Variants in DLC1 observed in about 807,000 individuals in gnomAD.
DLC1 encodes rho GTPase-activating protein 7.
A neutral mutation model predicts 140.3 loss-of-function variants in DLC1; 54 were observed. The ratio of observed to expected loss-of-function variants is 0.38; its 90% CI spans 0.31 to 0.48. The LOEUF is 0.48. Among genes scored for constraint, DLC1 ranks in the 20% least tolerant of loss-of-function variants. The pLI is 0.96. For synonymous variants in DLC1, 986 were observed against 728.1 expected (o/e 1.35, Z -5.70); for missense variants, 2,536 against 1,907.0 (o/e 1.33, Z -6.14).
At chr8:13,391,914 A>G (rs984202953) in intron 4 of DLC1, among the ~76,000 whole-genome samples, 2 of 151,502 alleles carry the variant, frequency 1.3e-5, no homozygotes, top group Non-Finnish European at 2.9e-5. Context: ...AAAAAGAAAA[A>G]GCCAATGCAT....
intron 4 of DLC1, among the ~76,000 whole-genome samples, chr8:13,336,212 A>T (rs1364196984): frequency 1.3e-5 from 2 of 152,142 alleles, no homozygotes; most frequent in Non-Finnish European, 2.9e-5. Flanking sequence ...AAGTCTAGGA[A>T]AGTAGAACCC....
At chr8:13,354,680 C>G (rs1834837559) in intron 4 of DLC1, among the ~76,000 whole-genome samples, 1 of 151,528 alleles carries the variant, frequency 6.6e-6, no homozygotes, top group Non-Finnish European at 1.5e-5. Context: ...TGTGGTGGCT[C>G]ACATCTGTAA....
chr8:13,529,573 G>T (rs147448254), intron 1 of DLC1, among the ~76,000 whole-genome samples: 22 of 152,224 alleles, frequency 1.4e-4, no homozygotes, highest in South Asian at 2.1e-4. Context: ...TTGTAAAGGA[G>T]AATACTTAGA....
intron 13 of DLC1, 44 bp downstream of exon 13, chr8:13,092,568 G>T (rs1234131036): frequency 1.3e-6 from 2 of 1,578,654 alleles, no homozygotes; most frequent in Non-Finnish European, 1.7e-6. Flanking sequence ...TAGGAAGAAT[G>T]TAGGCTGCCC....
intron 2 of DLC1, among the ~76,000 whole-genome samples, chr8:13,416,238 G>T (rs1231334479): frequency 6.6e-6 from 1 of 152,088 alleles, no homozygotes; most frequent in African/African-American, 2.4e-5. Flanking sequence ...CATAGAACTT[G>T]TTACATATGC....
intron 14 of DLC1, among the ~76,000 whole-genome samples, chr8:13,091,019 G>A (rs1313315977): frequency 6.6e-6 from 1 of 151,958 alleles, no homozygotes; most frequent in Non-Finnish European, 1.5e-5. Context: ...TGTTGCCCGG[G>A]TTGGTCTTGA....
At chr8:13,132,614 G>T (rs1335382411) in intron 5 of DLC1, among the ~76,000 whole-genome samples, 2 of 152,114 alleles carry the variant, frequency 1.3e-5, no homozygotes, top group African/African-American at 4.8e-5. Context: ...CCAGAGCCGC[G>T]AGCCCCCGCC....
chr8:13,131,767 G>A (rs1164246927), intron 5 of DLC1, among the ~76,000 whole-genome samples: 1 of 152,216 alleles, frequency 6.6e-6, no homozygotes, highest in African/African-American at 2.4e-5. Context: ...TGCAGATGAA[G>A]GAGGCACAGC....
intron 5 of DLC1, among the ~76,000 whole-genome samples, chr8:13,257,966 C>A (rs1041311734): frequency 2.6e-5 from 4 of 152,128 alleles, no homozygotes. Context: ...CATCAAAAGC[C>A]AACTTGAAAT....
chr8:13,475,397 T>C (rs1018641633), intron 2 of DLC1, among the ~76,000 whole-genome samples: 1 of 152,200 alleles, frequency 6.6e-6, no homozygotes, highest in African/African-American at 2.4e-5. Context: ...GAGGGCCCAG[T>C]AAAAGGCCAT....
At chr8:13,267,023 CAT>C (rs1586037343) in intron 5 of DLC1, among the ~76,000 whole-genome samples, 1 of 152,224 alleles carries the variant, frequency 6.6e-6, no homozygotes, top group Non-Finnish European at 1.5e-5. Flanking sequence ...ACGAGCTACA[CAT>C]GAGTTGACAT....
At chr8:13,227,148 T>G (rs1242559792) in intron 5 of DLC1, among the ~76,000 whole-genome samples, 1 of 152,150 alleles carries the variant, frequency 6.6e-6, no homozygotes, top group East Asian at 1.9e-4. Flanking sequence ...ACTATTAATA[T>G]TATTGCTAAT....
rs371741645 is a variant in DLC1 at position 13,221,712 on chromosome 8, ATG to A, written c.1348+83555_1348+83556del. Among the ~76,000 whole-genome samples, 1,143 of 133,670 alleles carry A rather than the reference ATG, an allele frequency of 8.6e-3. 3 individuals are homozygous for A. Among genetic ancestry groups the A allele is most frequent in the Non-Finnish European group, 0.01 (647 of 63,154 alleles). The allele number at this position is 133,670 out of a possible 152,430, so 87.7% of individuals were successfully genotyped here. A position where few individuals can be genotyped will look rare whatever the true frequency, so the allele number is the denominator to read the frequency against. ...TGTGTGTGTGTATATGTGTGTGTAT[ATG>A]TGTGTGTGTGTGTATATATATATAT... On this transcript the variant is annotated intron_variant, in intron 5 of 17. Coordinates refer to ENST00000276297, the MANE Select transcript of DLC1 (RefSeq NM_182643.3).
At chr8:13,218,908 G>T (rs181722294) in intron 5 of DLC1, among the ~76,000 whole-genome samples, 45,944 of 93,072 alleles carry the variant, frequency 0.49, 12,554 homozygotes, top group East Asian at 0.82. Flanking sequence ...AATTACATAC[G>T]AATATATAAT....
At chr8:13,227,651 G>C (rs1453141120) in intron 5 of DLC1, among the ~76,000 whole-genome samples, 2 of 152,288 alleles carry the variant, frequency 1.3e-5, no homozygotes, top group Middle Eastern at 3.4e-3. Context: ...TGTGACCGTA[G>C]ACCCTATATT....
At chr8:13,309,121 T>C (rs539098128) in intron 4 of DLC1, among the ~76,000 whole-genome samples, 1 of 152,352 alleles carries the variant, frequency 6.6e-6, no homozygotes, top group African/African-American at 2.4e-5. Context: ...CTTTTGCTAA[T>C]AGTTGCCATA....
chr8:13,396,716 C>G (rs375740705), intron 3 of DLC1, among the ~76,000 whole-genome samples: 3 of 152,128 alleles, frequency 2.0e-5, no homozygotes, highest in Admixed American at 1.3e-4. Context: ...TCAAACACAA[C>G]TAAATAAGTA....
At chr8:13,093,203 T>C (rs1057134682) in intron 12 of DLC1, among the ~76,000 whole-genome samples, 4 of 152,300 alleles carry the variant, frequency 2.6e-5, no homozygotes, top group African/African-American at 9.6e-5. Flanking sequence ...CTATACACTT[T>C]TGTTTAGTGT....
chr8:13,528,862 G>A (rs1803003455), intron 1 of DLC1, among the ~76,000 whole-genome samples: 1 of 152,140 alleles, frequency 6.6e-6, no homozygotes, highest in Non-Finnish European at 1.5e-5. Context: ...CTGGGTGATG[G>A]TCTCCATAAC....
Sources: gnomAD v4.1 joint callset for allele counts (sites outside exome capture counted in the v4.1 genomes callset) on GRCh38, gnomAD v4.1.1 for gene constraint, MANE v1.5 for transcripts, NCBI Gene and HGNC (gene_info 2026-07-23, HGNC 2026-07-21) for gene names.